Variants in NFIL3 observed in about 807,000 individuals in gnomAD.
The protein encoded by NFIL3 is nuclear factor, interleukin 3 regulated.
In NFIL3, 5 loss-of-function variants were observed where a neutral mutation model predicts 10.0. The ratio of observed to expected loss-of-function variants is 0.50; its 90% confidence interval spans 0.26 to 1.06. The LOEUF is 1.06. Ranked by LOEUF, NFIL3 falls within the 50% of genes least tolerant of loss-of-function variation. NFIL3 has a pLI of 0.13. For missense variants in NFIL3, 436 were observed against 547.6 expected (o/e 0.80, Z 2.03); for synonymous variants, 202 against 206.5 (o/e 0.98, Z 0.19).
At chr9:91,466,089 C>G in the NFIL3 span, among the ~76,000 whole-genome samples, 1 of 151,862 alleles carries the variant, frequency 6.6e-6, no homozygotes, top group Non-Finnish European at 1.5e-5. Context: ...TAGCCTGTGT[C>G]TTTGTGTTGG....
At chr9:91,479,130 C>T in the NFIL3 span, among the ~76,000 whole-genome samples, 2 of 152,322 alleles carry the variant, frequency 1.3e-5, no homozygotes, top group East Asian at 3.9e-4. Context: ...GGTCAGGGGC[C>T]CACTTGAGGA....
At chr9:91,422,666 G>C (rs1833791791) in intron 1 of NFIL3, among the ~76,000 whole-genome samples, 1 of 152,126 alleles carries the variant, frequency 6.6e-6, no homozygotes, top group African/African-American at 2.4e-5. Flanking sequence ...ATGACAATAA[G>C]GTGAGAAAAA....
the NFIL3 span, among the ~76,000 whole-genome samples, chr9:91,474,629 G>C: frequency 6.6e-6 from 1 of 152,120 alleles, no homozygotes; most frequent in Non-Finnish European, 1.5e-5. Context: ...TTATGTGCTG[G>C]GCTAGACTGG....
chr9:91,416,158 CTT>C (rs76390990), intron 1 of NFIL3, among the ~76,000 whole-genome samples: 18 of 139,444 alleles, frequency 1.3e-4, no homozygotes, highest in African/African-American at 1.9e-4. Context: ...TGATCTTCTT[CTT>C]TTTTTTTTTT....
At chr9:91,459,744 C>T in the NFIL3 span, among the ~76,000 whole-genome samples, 1 of 152,114 alleles carries the variant, frequency 6.6e-6, no homozygotes, top group Admixed American at 6.6e-5. Context: ...TTTACTTTCT[C>T]CACTAGACTA....
At chr9:91,452,682 G>T in the NFIL3 span, among the ~76,000 whole-genome samples, 1 of 151,366 alleles carries the variant, frequency 6.6e-6, no homozygotes, top group African/African-American at 2.4e-5. Context: ...AGCTACTCAG[G>T]AGGCTGAGGC....
upstream of NFIL3, among the ~76,000 whole-genome samples, chr9:91,427,628 G>C (rs1833885496): frequency 6.7e-6 from 1 of 150,066 alleles, no homozygotes; most frequent in South Asian, 2.1e-4. Context: ...TTTTGTTGTT[G>C]TTGTTGTTGT....
chr9:91,422,291 C>T (rs1188801240), intron 1 of NFIL3, among the ~76,000 whole-genome samples: 1 of 152,194 alleles, frequency 6.6e-6, no homozygotes, highest in African/African-American at 2.4e-5. Context: ...TGTATTTGCA[C>T]ACAGCCCTGG....
intron 1 of NFIL3, among the ~76,000 whole-genome samples, chr9:91,418,003 C>T (rs1416475615): frequency 6.6e-6 from 1 of 151,742 alleles, no homozygotes; most frequent in Non-Finnish European, 1.5e-5. Context: ...ACGATGACAA[C>T]ATTGCATTTT....
the NFIL3 span, among the ~76,000 whole-genome samples, chr9:91,480,726 C>T: frequency 6.6e-6 from 1 of 152,104 alleles, no homozygotes; most frequent in Non-Finnish European, 1.5e-5. Flanking sequence ...CCAAGAAGAC[C>T]TCATAAATTA....
At chr9:91,456,483 T>C in the NFIL3 span, among the ~76,000 whole-genome samples, 1 of 152,214 alleles carries the variant, frequency 6.6e-6, no homozygotes, top group Non-Finnish European at 1.5e-5. Flanking sequence ...TTTAAACACC[T>C]TTCCCATGCT....
intron 1 of NFIL3, among the ~76,000 whole-genome samples, chr9:91,415,924 G>A (rs1833645958): frequency 6.6e-6 from 1 of 152,128 alleles, no homozygotes; most frequent in African/African-American, 2.4e-5. Context: ...GTCACGCCTG[G>A]CTCCTTAACT....
the NFIL3 span, among the ~76,000 whole-genome samples, chr9:91,435,824 T>C: frequency 1.3e-5 from 2 of 152,204 alleles, no homozygotes; most frequent in South Asian, 4.1e-4. Context: ...ATCAGAACTC[T>C]TCCCTTTAAT....
At chr9:91,469,504 T>C in the NFIL3 span, among the ~76,000 whole-genome samples, 3 of 152,186 alleles carry the variant, frequency 2.0e-5, no homozygotes, top group Non-Finnish European at 4.4e-5. Flanking sequence ...CCTCTTTTCC[T>C]AATTGAATAC....
the NFIL3 span, among the ~76,000 whole-genome samples, chr9:91,462,203 A>T: frequency 3.4e-4 from 42 of 121,788 alleles, no homozygotes; most frequent in African/African-American, 1.7e-3. Context: ...ATTATCTTTT[A>T]TTTTTTTTGG....
the NFIL3 span, among the ~76,000 whole-genome samples, chr9:91,451,372 C>T: frequency 3.9e-5 from 6 of 152,314 alleles, 1 homozygote; most frequent in Admixed American, 3.9e-4. Flanking sequence ...ATCACATATC[C>T]TTTTAAAGAA....
chr9:91,473,163 T>A, the NFIL3 span, among the ~76,000 whole-genome samples: 1 of 151,808 alleles, frequency 6.6e-6, no homozygotes, highest in Non-Finnish European at 1.5e-5. Flanking sequence ...TACACGGGGG[T>A]CAGGCTACTT....
intron 1 of NFIL3, among the ~76,000 whole-genome samples, chr9:91,414,912 T>G (rs1833622980): frequency 6.6e-6 from 1 of 152,216 alleles, no homozygotes; most frequent in Admixed American, 6.5e-5. Context: ...GTGCTCAACA[T>G]TTCATTGACA....
the NFIL3 span, among the ~76,000 whole-genome samples, chr9:91,462,854 A>T: frequency 4.7e-5 from 7 of 150,194 alleles, no homozygotes; most frequent in East Asian, 1.4e-3. Flanking sequence ...GGAAATAGTT[A>T]TTATTATTCA....
Sources: gnomAD v4.1 joint callset for allele counts (sites outside exome capture counted in the v4.1 genomes callset) on GRCh38, gnomAD v4.1.1 for gene constraint, MANE v1.5 for transcripts, NCBI Gene and HGNC (gene_info 2026-07-23, HGNC 2026-07-21) for gene names.